The following BACH2 variants were observed in gnomAD, a reference collection of about 807,000 sequenced individuals.
BACH2 encodes transcription regulator protein BACH2.
BACH2 carries 5 observed loss-of-function variants against 61.8 expected under a neutral mutation model. The observed-to-expected ratio is 0.08, with a 90% confidence interval of 0.04 to 0.17. BACH2 has a LOEUF of 0.17. BACH2 is among the 10% of genes least tolerant of loss of function. BACH2 has a pLI of 1.00. For missense variants in BACH2, 824 were observed against 1,091.1 expected, an observed-to-expected ratio of 0.76 and a Z score of 3.45; for synonymous variants, 446 against 440.1, an observed-to-expected ratio of 1.01 and a Z score of -0.17.
At chr6:90,002,302 C>T (rs1765230312) in intron 6 of BACH2, among the ~76,000 whole-genome samples, 1 of 152,182 alleles carries the variant, frequency 6.6e-6, no homozygotes. Context: ...CTTTCTATCT[C>T]CACTCACTTC....
In BACH2 at chr6:89,938,332, C is replaced by T. The variant is rs1004742606; in HGVS notation, c.1855G>A (p.Val619Ile). 8.1e-6 allele frequency: 13 copies of T among 1,613,738 alleles called. No homozygotes were observed. The highest frequency in any genetic ancestry group is 1.1e-5 in the South Asian group (1 of 91,016). The change falls in exon 8 of 9, where the codon GTA (valine) becomes ATA (isoleucine). Residue 619 changes from valine (V) to isoleucine (I), a missense_variant. Coordinates refer to ENST00000257749, the MANE Select transcript of BACH2 (RefSeq NM_021813.4). The stretch of plus-strand genomic sequence containing the variant: ...CTTGGAAGATCTGTGATTTGATCTA[C>T]AGGAAAAGGAAGTTTTACCTGAAAC... ...RGQEVKLPFP[V>I]DQITDLPRND...
chr6:90,184,328 G>T (rs925946175), intron 4 of BACH2, among the ~76,000 whole-genome samples: 1 of 152,108 alleles, frequency 6.6e-6, no homozygotes. Flanking sequence ...TTCCTCTTCA[G>T]ATTCCTGCAT....
chr6:90,175,908 A>G (rs1767968895), intron 4 of BACH2, among the ~76,000 whole-genome samples: 1 of 152,048 alleles, frequency 6.6e-6, no homozygotes, highest in Admixed American at 6.5e-5. Flanking sequence ...GTACCAAGCA[A>G]GCAGGGACCA....
intron 5 of BACH2, among the ~76,000 whole-genome samples, chr6:90,017,168 C>T (rs1462520622): frequency 1.1e-4 from 16 of 152,166 alleles, no homozygotes; most frequent in East Asian, 7.7e-4. Context: ...GCATTTGTCC[C>T]GTCGCTCACA....
At chr6:90,191,445 T>TAAA (rs1768568929) in intron 4 of BACH2, among the ~76,000 whole-genome samples, 2 of 152,252 alleles carry the variant, frequency 1.3e-5, no homozygotes, top group South Asian at 4.1e-4. Flanking sequence ...TTTTAAGAAC[T>TAAA]AAAACATTCA....
intron 3 of BACH2, among the ~76,000 whole-genome samples, chr6:90,218,914 C>T (rs1174052549): frequency 1.4e-5 from 2 of 140,298 alleles, no homozygotes; most frequent in Non-Finnish European, 3.0e-5. Context: ...ATTTCGGTTT[C>T]CTTTCCGTGT....
intron 3 of BACH2, among the ~76,000 whole-genome samples, chr6:90,209,673 C>T (rs1429219207): frequency 6.6e-6 from 1 of 152,156 alleles, no homozygotes; most frequent in Non-Finnish European, 1.5e-5. Flanking sequence ...AACATCATTT[C>T]CCTGAGGAAC....
intron 3 of BACH2, among the ~76,000 whole-genome samples, chr6:90,246,244 T>A (rs1770633592): frequency 6.6e-6 from 1 of 152,188 alleles, no homozygotes; most frequent in South Asian, 2.1e-4. Flanking sequence ...CACAAAACAG[T>A]TATAAAGCAG....
At chr6:90,039,911 T>G (rs1416471438) in intron 5 of BACH2, among the ~76,000 whole-genome samples, 5 of 152,186 alleles carry the variant, frequency 3.3e-5, no homozygotes, top group Non-Finnish European at 2.9e-5. Context: ...TCTTTTAATT[T>G]TTTTCCCCTA....
intron 2 of BACH2, among the ~76,000 whole-genome samples, chr6:90,256,413 T>C (rs1770981700): frequency 6.6e-6 from 1 of 152,170 alleles, no homozygotes; most frequent in Non-Finnish European, 1.5e-5. Flanking sequence ...CCCCCTCTCT[T>C]GATGTGATGC....
chr6:90,272,812 T>C (rs999633660), intron 1 of BACH2, among the ~76,000 whole-genome samples: 4 of 152,212 alleles, frequency 2.6e-5, no homozygotes, highest in Admixed American at 6.5e-5. Flanking sequence ...TCTTTCCTAA[T>C]GTTTCCTCTT....
intron 2 of BACH2, among the ~76,000 whole-genome samples, chr6:90,271,133 G>A (rs773655078): frequency 4.6e-5 from 7 of 151,866 alleles, no homozygotes; most frequent in Non-Finnish European, 1.0e-4. Context: ...CTAGAACACT[G>A]GAAAAACTCT....
chr6:90,006,411 G>A (rs1277734511), intron 6 of BACH2, among the ~76,000 whole-genome samples: 5 of 152,078 alleles, frequency 3.3e-5, no homozygotes, highest in East Asian at 1.9e-4. Flanking sequence ...GCCATTCCTC[G>A]GCCTTCCCGT....
chr6:89,958,371 C>G (rs1370152981), intron 6 of BACH2, among the ~76,000 whole-genome samples: 1 of 152,184 alleles, frequency 6.6e-6, no homozygotes, highest in African/African-American at 2.4e-5. Flanking sequence ...ATTCAAGTCT[C>G]AGCTCTGCTG....
chr6:90,209,236 A>G (rs1260976327), intron 3 of BACH2, among the ~76,000 whole-genome samples: 1 of 147,018 alleles, frequency 6.8e-6, no homozygotes, highest in Non-Finnish European at 1.5e-5. Context: ...TCATAGCAAT[A>G]GCATATTTTA....
intron 7 of BACH2, among the ~76,000 whole-genome samples, chr6:89,946,256 A>T (rs1351854361): frequency 6.6e-6 from 1 of 152,182 alleles, no homozygotes; most frequent in East Asian, 1.9e-4. Context: ...ATAAAACAAG[A>T]TGTCAGCCTC....
intron 4 of BACH2, among the ~76,000 whole-genome samples, chr6:90,158,041 A>G (rs1425060662): frequency 6.6e-6 from 1 of 152,106 alleles, no homozygotes; most frequent in Admixed American, 6.5e-5. Flanking sequence ...ATGAAGGGAT[A>G]TGGAGCTGCT....
intron 6 of BACH2, among the ~76,000 whole-genome samples, chr6:89,956,859 G>A (rs948832927): frequency 6.6e-6 from 1 of 152,182 alleles, no homozygotes; most frequent in Non-Finnish European, 1.5e-5. Context: ...ACACATGGCT[G>A]TAGCATTGAG....
At chr6:90,160,281 G>A (rs1279895610) in intron 4 of BACH2, among the ~76,000 whole-genome samples, 1 of 152,146 alleles carries the variant, frequency 6.6e-6, no homozygotes, top group Non-Finnish European at 1.5e-5. Flanking sequence ...AATTAGATAA[G>A]CCAAGTCCTT....
Sources: allele counts gnomAD v4.1 joint callset (sites outside exome capture counted in the v4.1 genomes callset), GRCh38; gene constraint gnomAD v4.1.1; transcripts MANE v1.5; gene names NCBI Gene and HGNC (gene_info 2026-07-23, HGNC 2026-07-21).